Variants in VEPH1 observed in about 807,000 individuals in gnomAD.
VEPH1 encodes the protein ventricular zone-expressed PH domain-containing protein homolog 1.
Under a neutral mutation model 85.2 loss-of-function variants are expected in VEPH1, and 80 were observed. That is an observed-to-expected ratio of 0.94 (90% CI 0.78 to 1.13). VEPH1 has a LOEUF of 1.13. Among genes scored for constraint, VEPH1 ranks in the 50% most tolerant of loss-of-function variants. The pLI, the probability that VEPH1 is intolerant of heterozygous loss-of-function variation, is 0.00. For synonymous variants in VEPH1, 297 were observed against 348.0 expected (o/e 0.85, Z 1.63); for missense variants, 955 against 980.5 (o/e 0.97, Z 0.35).
chr3:157,431,964 C>T (rs555795093), intron 4 of VEPH1, among the ~76,000 whole-genome samples: 32 of 152,146 alleles, frequency 2.1e-4, no homozygotes, highest in Admixed American at 1.8e-3. Flanking sequence ...TCTCCTGCCT[C>T]AGCCTCCCAA....
chr3:157,386,250 C>CAAAAAAAA lies in VEPH1; in HGVS notation c.907-4882_907-4875dup, dbSNP rs71302265. 4.2e-3 allele frequency among the ~76,000 whole-genome samples: 161 copies of CAAAAAAAA among 38,410 alleles called. 7 individuals are homozygous for CAAAAAAAA. The highest frequency in any genetic ancestry group is 0.016 in the African/African-American group (122 of 7,818). 25.2% of individuals were successfully genotyped at this position (38,410 alleles called of 152,430 possible). A position where few individuals can be genotyped will look rare whatever the true frequency, so the allele number is the denominator to read the frequency against. On this transcript the variant is annotated intron_variant, in intron 6 of 13. Coordinates refer to ENST00000362010, the MANE Select transcript of VEPH1 (RefSeq NM_001167912.2). ...GTTACTTCAAGTAAAAATGGTTCCA[C>CAAAAAAAA]AAAAAAAAAAAAAAAAAAAAAAAAG...
chr3:157,281,981 C>T (rs1391988942), intron 12 of VEPH1, among the ~76,000 whole-genome samples: 1 of 152,150 alleles, frequency 6.6e-6, no homozygotes. Context: ...TTCATTTTCA[C>T]ATTGGCATCT....
chr3:157,368,626 GGAC>G (rs1281749771), intron 7 of VEPH1, among the ~76,000 whole-genome samples: 2 of 151,934 alleles, frequency 1.3e-5, no homozygotes, highest in Non-Finnish European at 2.9e-5. Context: ...CGAGTAGCTG[GGAC>G]TACAGGTGCC....
chr3:157,446,952 A>G (rs1734599313), intron 4 of VEPH1, among the ~76,000 whole-genome samples: 1 of 152,234 alleles, frequency 6.6e-6, no homozygotes, highest in African/African-American at 2.4e-5. Flanking sequence ...CTTAGGGATA[A>G]CAAGACTTGC....
At chr3:157,316,976 G>A in intron 10 of VEPH1, 86 bp downstream of exon 10, 3 of 1,411,600 alleles carry the variant, frequency 2.1e-6, no homozygotes, top group Non-Finnish European at 1.9e-6. Context: ...TATCAACTCT[G>A]GCCAAAGAAT....
chr3:157,351,000 A>T (rs1021422029), intron 9 of VEPH1, among the ~76,000 whole-genome samples: 1 of 152,262 alleles, frequency 6.6e-6, no homozygotes, highest in Admixed American at 6.5e-5. Flanking sequence ...CATATGACAC[A>T]GCAATCCCAC....
chr3:157,287,603 T>C (rs1490846576), intron 11 of VEPH1, among the ~76,000 whole-genome samples: 1 of 152,174 alleles, frequency 6.6e-6, no homozygotes, highest in Non-Finnish European at 1.5e-5. Flanking sequence ...CTCACTCTGT[T>C]GTCCAGGTTG....
intron 2 of VEPH1, among the ~76,000 whole-genome samples, chr3:157,492,549 C>T (rs546921195): frequency 7.9e-5 from 12 of 152,170 alleles, no homozygotes; most frequent in Middle Eastern, 3.4e-3. Flanking sequence ...ATGAGACAAG[C>T]CAGAGGTGAA....
chr3:157,426,137 A>G (rs1188155784), intron 5 of VEPH1, among the ~76,000 whole-genome samples: 3 of 152,252 alleles, frequency 2.0e-5, no homozygotes, highest in African/African-American at 7.2e-5. Context: ...TTTTCTTCCC[A>G]GTCTTGGGTA....
At chr3:157,465,040 G>C (rs1736232758) in intron 3 of VEPH1, among the ~76,000 whole-genome samples, 1 of 152,140 alleles carries the variant, frequency 6.6e-6, no homozygotes, top group African/African-American at 2.4e-5. Flanking sequence ...ATAGGGAGCA[G>C]GTCTCAGGAA....
At chr3:157,331,073 CAT>C (rs1722445710) in intron 9 of VEPH1, among the ~76,000 whole-genome samples, 1 of 152,174 alleles carries the variant, frequency 6.6e-6, no homozygotes, top group African/African-American at 2.4e-5. Flanking sequence ...ATGGATGAAA[CAT>C]GACTTGCAGC....
intron 9 of VEPH1, among the ~76,000 whole-genome samples, chr3:157,362,056 A>G (rs1726109049): frequency 1.3e-5 from 2 of 151,852 alleles, no homozygotes; most frequent in African/African-American, 4.8e-5. Context: ...GGGGGGACAG[A>G]GTCCCACTCA....
intron 4 of VEPH1, among the ~76,000 whole-genome samples, chr3:157,431,174 C>T (rs1733118434): frequency 6.6e-6 from 1 of 152,140 alleles, no homozygotes; most frequent in African/African-American, 2.4e-5. Flanking sequence ...GCTGTACTCT[C>T]CCTCACTCCT....
chr3:157,438,014 A>T, intron 4 of VEPH1: 13 of 1,242,794 alleles, frequency 1.0e-5, no homozygotes, highest in South Asian at 1.4e-5. Context: ...GGAAGCTTTC[A>T]TGGGAAGCGC....
At chr3:157,377,072 G>A (rs982744891) in intron 7 of VEPH1, among the ~76,000 whole-genome samples, 2 of 152,108 alleles carry the variant, frequency 1.3e-5, no homozygotes, top group Non-Finnish European at 2.9e-5. Context: ...TTCCAGAGAG[G>A]ATGAGCCGTT....
chr3:157,300,999 T>G (rs1043589500), intron 11 of VEPH1, among the ~76,000 whole-genome samples: 1 of 152,236 alleles, frequency 6.6e-6, no homozygotes, highest in Non-Finnish European at 1.5e-5. Flanking sequence ...TCTCCTCTTA[T>G]GTTAGCCATA....
Position 157,495,279 on chromosome 3 carries a change from T to A in VEPH1, c.71A>T (p.Asp24Val), listed in dbSNP as rs1462611826. 1 of 1,614,056 alleles carries A rather than the reference T, an allele frequency of 6.2e-7. No homozygotes were observed. Among genetic ancestry groups the A allele is most frequent in the East Asian group, 2.2e-5 (1 of 44,868 alleles). Residue 24 changes from aspartate to valine, a missense_variant, in exon 2 of 14, where the codon GAT becomes GTT. Coordinates refer to ENST00000362010, the MANE Select transcript of VEPH1 (RefSeq NM_001167912.2). The stretch of plus-strand genomic sequence containing the variant: ...AAGGCTGTCTTCAATCTCAGAGTCA[T>A]CTAAGGAGAAGAGGTCCCCAGCTCG... ...LSRAGDLFSLDDSEIEDSLTE... is the reference protein window; with the variant it reads ...LSRAGDLFSLVDSEIEDSLTE...
intron 9 of VEPH1, among the ~76,000 whole-genome samples, chr3:157,334,169 G>A (rs552358879): frequency 6.6e-6 from 1 of 152,266 alleles, no homozygotes; most frequent in East Asian, 1.9e-4. Context: ...GATGCCAACC[G>A]TCTATTCCCT....
At chr3:157,291,240 T>A (rs1014319647) in intron 11 of VEPH1, among the ~76,000 whole-genome samples, 9 of 152,196 alleles carry the variant, frequency 5.9e-5, no homozygotes, top group Admixed American at 1.3e-4. Flanking sequence ...CACATAATAA[T>A]AAGTTTATGT....
Sources: gnomAD v4.1 joint callset for allele counts (sites outside exome capture counted in the v4.1 genomes callset) on GRCh38, gnomAD v4.1.1 for gene constraint, MANE v1.5 for transcripts, NCBI Gene and HGNC (gene_info 2026-07-23, HGNC 2026-07-21) for gene names.